The following USP46 variants were observed in gnomAD, a reference collection of about 807,000 sequenced individuals.
The protein encoded by USP46 is ubiquitin specific peptidase 46, also known as ubiquitin carboxyl-terminal hydrolase 46.
Under a neutral mutation model 44.4 loss-of-function variants are expected in USP46, and 12 were observed. That is an observed-to-expected ratio of 0.27 (90% CI 0.17 to 0.44). USP46 has a LOEUF of 0.44. Ranked by LOEUF, USP46 falls within the 20% of genes least tolerant of loss-of-function variation. The probability of loss-of-function intolerance (pLI) is 1.00; values close to 1 mark genes in which losing one functional copy is unlikely to be tolerated. For synonymous variants in USP46, 155 were observed against 161.5 expected, an observed-to-expected ratio of 0.96 and a Z score of 0.31; for missense variants, 248 against 444.8, an observed-to-expected ratio of 0.56 and a Z score of 3.98.
intron 1 of USP46, among the ~76,000 whole-genome samples, chr4:52,632,990 A>AAGAAAAG (rs1553891310): frequency 1.5e-5 from 1 of 66,294 alleles, no homozygotes; most frequent in African/African-American, 6.1e-5. Flanking sequence ...GAAAGAAAAG[A>AAGAAAAG]AAAGAAAGAA....
intron 1 of USP46, among the ~76,000 whole-genome samples, chr4:52,657,731 C>T (rs1719007992): frequency 6.6e-6 from 1 of 152,212 alleles, no homozygotes; most frequent in Admixed American, 6.5e-5. Context: ...AGGATCCACT[C>T]CCCGTATGGA....
Position 52,592,965 on chromosome 4 carries a change from C to G in USP46, c.*4675G>C, listed in dbSNP as rs1421354964. On this transcript the variant is annotated 3_prime_UTR_variant, in exon 9 of 9. Transcript: ENST00000441222. ...ATTGTAAGTTTCCTGAGGCCTCCCC[C>G]AGAACAGAAGCCTGTACAGCCCATA... The G allele has an allele frequency of 2.5e-6, 1 of 398,552 alleles. No homozygotes were observed. The highest frequency in any genetic ancestry group is 3.6e-5 in the East Asian group (1 of 28,086). The allele number at this position is 398,552 out of a possible 1,614,324, so 24.7% of individuals were successfully genotyped here.
At chr4:52,623,873 T>C (rs1462098213) in intron 4 of USP46, among the ~76,000 whole-genome samples, 1 of 151,858 alleles carries the variant, frequency 6.6e-6, no homozygotes, top group Non-Finnish European at 1.5e-5. Flanking sequence ...CGAGCTGAGA[T>C]CAAGCCACTG....
intron 1 of USP46, among the ~76,000 whole-genome samples, chr4:52,657,040 C>CAAAAAA (rs959028429): frequency 1.4e-4 from 4 of 29,222 alleles, no homozygotes; most frequent in African/African-American, 2.5e-4. Context: ...GAGACCTTGT[C>CAAAAAA]AAAAAAAAAA....
intron 1 of USP46, among the ~76,000 whole-genome samples, chr4:52,633,656 C>T (rs774501650): frequency 1.3e-5 from 2 of 152,104 alleles, no homozygotes; most frequent in African/African-American, 4.8e-5. Flanking sequence ...GAGAGAGATA[C>T]CATTAAATCT....
intron 4 of USP46, among the ~76,000 whole-genome samples, chr4:52,618,041 G>A (rs961442721): frequency 6.6e-6 from 1 of 152,234 alleles, no homozygotes; most frequent in Middle Eastern, 3.4e-3. Flanking sequence ...TTACAGAAAG[G>A]GTATACCTTA....
intron 4 of USP46, among the ~76,000 whole-genome samples, chr4:52,613,721 C>CAA (rs59351260): frequency 2.6e-5 from 2 of 77,076 alleles, no homozygotes; most frequent in African/African-American, 4.4e-5. Flanking sequence ...GACTCCATCT[C>CAA]AAAAAAAAAA....
intron 5 of USP46, among the ~76,000 whole-genome samples, chr4:52,607,381 A>G (rs1168827279): frequency 6.6e-6 from 1 of 152,224 alleles, no homozygotes; most frequent in African/African-American, 2.4e-5. Context: ...CAACAATGGT[A>G]TAGGAAACTC....
At chr4:52,656,857 T>C (rs1001305849) in intron 1 of USP46, among the ~76,000 whole-genome samples, 4 of 151,072 alleles carry the variant, frequency 2.6e-5, no homozygotes, top group Non-Finnish European at 4.4e-5. Context: ...CTGGGCAACA[T>C]AGGGAGACCC....
At position 52,594,079 on chromosome 4, in the gene USP46, T is replaced by G. The variant is rs1306440422; in HGVS notation, c.*3561A>C. The G allele has an allele frequency of 6.6e-6, 1 of 152,212 alleles. No individual in the cohort carries two copies. Among genetic ancestry groups the G allele is most frequent in the Non-Finnish European group, 1.5e-5 (1 of 68,032 alleles). 9.4% of individuals were successfully genotyped at this position (152,212 alleles called of 1,614,324 possible). On this transcript the variant is annotated 3_prime_UTR_variant, in exon 9 of 9. Transcript: ENST00000441222. ...CTTCAAAATTGTTTGTAATAATTAC[T>G]TGGACATAAGACCTGCCACTGACTC...
rs1445170608 is a variant in USP46 at position 52,601,973 on chromosome 4, G to C, written c.804C>G (p.Thr268=). ...FKYMEQLHRY[T]KLSYRVVFPL... ...GGAAGACCACACGGTAAGACAGCTT[G>C]GTGTATCTGTGCAGCTGCTCCATGT... is the stretch of plus-strand genomic sequence containing the variant. The change falls in exon 7 of 9, where the codon ACC becomes ACG. Residue 268 remains threonine, a synonymous_variant. Coordinates refer to ENST00000441222, the MANE Select transcript of USP46 (RefSeq NM_022832.4). 6.2e-7 allele frequency: 1 copy of C among 1,614,002 alleles called. No homozygotes were observed. The highest frequency in any genetic ancestry group is 1.3e-5 in the African/African-American group (1 of 75,056).
At chr4:52,634,573 C>T (rs553591392) in intron 1 of USP46, among the ~76,000 whole-genome samples, 97 of 149,816 alleles carry the variant, frequency 6.5e-4, no homozygotes, top group Non-Finnish European at 1.1e-3. Flanking sequence ...TACAGGCATT[C>T]GCCACCATGC....
At chr4:52,630,461 A>C (rs1222511348) in intron 2 of USP46, among the ~76,000 whole-genome samples, 2 of 152,158 alleles carry the variant, frequency 1.3e-5, no homozygotes, top group Non-Finnish European at 2.9e-5. Context: ...GAACATATAA[A>C]AGCAGATTTC....
chr4:52,630,749 A>G (rs577305688), intron 2 of USP46, among the ~76,000 whole-genome samples: 195 of 152,090 alleles, frequency 1.3e-3, no homozygotes, highest in African/African-American at 4.4e-3. Context: ...AAAAAAAAAA[A>G]AAAAAAGAAA....
intron 1 of USP46, among the ~76,000 whole-genome samples, chr4:52,639,763 CAG>C (rs1434072539): frequency 6.6e-6 from 1 of 151,638 alleles, no homozygotes; most frequent in Non-Finnish European, 1.5e-5. Context: ...GTGGTGCTAA[CAG>C]GGTTCACTGC....
chr4:52,646,212 C>T (rs1163027808), intron 1 of USP46, among the ~76,000 whole-genome samples: 1 of 152,180 alleles, frequency 6.6e-6, no homozygotes, highest in Non-Finnish European at 1.5e-5. Context: ...CACCTGCATT[C>T]CCACCTTACA....
At chr4:52,629,226 T>C (rs1259229928) in intron 2 of USP46, among the ~76,000 whole-genome samples, 1 of 152,262 alleles carries the variant, frequency 6.6e-6, no homozygotes, top group African/African-American at 2.4e-5. Flanking sequence ...TATGCTAAGA[T>C]AGAAGGCTTC....
rs536786583 is a variant in USP46, at chr4:52,594,483, C to T, written c.*3157G>A. 6 of 152,260 alleles carry T rather than the reference C, an allele frequency of 3.9e-5. No homozygotes were observed. Among genetic ancestry groups the T allele is most frequent in the African/African-American group, 1.4e-4 (6 of 41,562 alleles). The allele number at this position is 152,260 out of a possible 1,614,324, so 9.4% of individuals were successfully genotyped here. A position where few individuals can be genotyped will look rare whatever the true frequency, so the allele number is the denominator to read the frequency against. On this transcript the variant is annotated 3_prime_UTR_variant, in exon 9 of 9. Coordinates refer to ENST00000441222, the MANE Select transcript of USP46 (RefSeq NM_022832.4). ...AGGAAATAATTTTCCCTGACCCATGCCACTTACATGAGTTCATTACAATAG... is the reference window on the plus strand; with the variant it reads ...AGGAAATAATTTTCCCTGACCCATGTCACTTACATGAGTTCATTACAATAG...
rs1034906734 is a variant in USP46, at chr4:52,595,610, T to C, written c.*2030A>G. On this transcript the variant is annotated 3_prime_UTR_variant, in exon 9 of 9. Transcript: ENST00000441222. ...ACAACCAAATAGAAAAGAAATATCC[T>C]GAACTTATGACTTAGCATTTAAACA... 1 of 152,220 alleles carries C rather than the reference T, an allele frequency of 6.6e-6. No homozygotes were observed. Among genetic ancestry groups the C allele is most frequent in the African/African-American group, 2.4e-5 (1 of 41,458 alleles). 9.4% of individuals were successfully genotyped at this position (152,220 alleles called of 1,614,324 possible).
Sources: allele counts gnomAD v4.1 joint callset (sites outside exome capture counted in the v4.1 genomes callset), GRCh38; gene constraint gnomAD v4.1.1; transcripts MANE v1.5; gene names NCBI Gene and HGNC (gene_info 2026-07-23, HGNC 2026-07-21).